GSK3B: variants seen among roughly 807,000 people sequenced by gnomAD.
GSK3B encodes glycogen synthase kinase 3 beta.
GSK3B carries 15 observed loss-of-function variants against 56.4 expected under a neutral mutation model. The observed-to-expected ratio is 0.27, with a 90% CI of 0.18 to 0.41. The LOEUF (loss-of-function observed/expected upper bound fraction) is 0.41, where lower values mean the gene tolerates loss of function less well. Among genes scored for constraint, GSK3B ranks in the 10% least tolerant of loss-of-function variants. The pLI is 1.00. For synonymous variants in GSK3B, 181 were observed against 188.9 expected, an observed-to-expected ratio of 0.96 and a Z score of 0.34; for missense variants, 300 against 513.4, an observed-to-expected ratio of 0.58 and a Z score of 4.02.
At chr3:119,886,666 T>C (rs941229977) in intron 7 of GSK3B, among the ~76,000 whole-genome samples, 4 of 152,236 alleles carry the variant, frequency 2.6e-5, no homozygotes, top group East Asian at 1.9e-4. Flanking sequence ...ATGTGGTACA[T>C]ATACACCATA....
intron 2 of GSK3B, among the ~76,000 whole-genome samples, chr3:119,975,791 T>C (rs1277449267): frequency 6.6e-6 from 1 of 152,192 alleles, no homozygotes; most frequent in Admixed American, 6.5e-5. Flanking sequence ...TAATGGTATA[T>C]TGATTGTCAC....
intron 1 of GSK3B, among the ~76,000 whole-genome samples, chr3:120,052,904 T>C (rs1318576628): frequency 1.3e-5 from 2 of 152,212 alleles, no homozygotes; most frequent in Non-Finnish European, 2.9e-5. Flanking sequence ...ACTATTATTA[T>C]CACCAACTTA....
chr3:119,869,375 C>T (rs1186184406), intron 8 of GSK3B, among the ~76,000 whole-genome samples: 1 of 152,122 alleles, frequency 6.6e-6, no homozygotes, highest in East Asian at 1.9e-4. Flanking sequence ...AAACAACTTT[C>T]AGAGTCCTCC....
intron 3 of GSK3B, among the ~76,000 whole-genome samples, chr3:119,941,518 T>G (rs1431645819): frequency 6.6e-6 from 1 of 152,194 alleles, no homozygotes; most frequent in Non-Finnish European, 1.5e-5. Flanking sequence ...GTAACTTACT[T>G]AACGGCTGTT....
chr3:119,999,186 AG>A (rs770349477), intron 2 of GSK3B, among the ~76,000 whole-genome samples: 2 of 152,224 alleles, frequency 1.3e-5, no homozygotes, highest in African/African-American at 2.4e-5. Context: ...AGAAGGAGAA[AG>A]AGGGTGTGGT....
intron 1 of GSK3B, among the ~76,000 whole-genome samples, chr3:120,005,604 G>A (rs928162997): frequency 6.6e-6 from 1 of 152,214 alleles, no homozygotes; most frequent in South Asian, 2.1e-4. Flanking sequence ...AGCCAGAAGA[G>A]AGTAGGGGGA....
In GSK3B at chr3:119,883,816, G is replaced by A. The variant is rs187312084; in HGVS notation, c.814-7308C>T. On this transcript the variant is annotated intron_variant, in intron 7 of 10. Transcript: ENST00000264235. ...GCATCAAAGAATCTGGTTATTGAAT[G>A]TGGCTGGAAGGTAAACAATTTCAGT... is the stretch of plus-strand genomic sequence containing the variant. Among the ~76,000 whole-genome samples, 15 of 152,266 alleles carry A rather than the reference G, an allele frequency of 9.9e-5. No homozygotes were observed. In the East Asian group the frequency reaches 2.3e-3, roughly 23 times the overall value.
chr3:119,844,351 G>C (rs1217029783), intron 9 of GSK3B, among the ~76,000 whole-genome samples: 1 of 123,526 alleles, frequency 8.1e-6, no homozygotes, highest in Non-Finnish European at 1.7e-5. Context: ...AGGAGACAGA[G>C]ACACAAAAAA....
intron 9 of GSK3B, among the ~76,000 whole-genome samples, chr3:119,849,308 G>C (rs1048730060): frequency 6.6e-6 from 1 of 152,164 alleles, no homozygotes; most frequent in Admixed American, 6.5e-5. Flanking sequence ...TCCTTTGTCT[G>C]ATCAACAGAA....
At chr3:119,993,146 A>T (rs1410556986) in intron 2 of GSK3B, among the ~76,000 whole-genome samples, 2 of 84,448 alleles carry the variant, frequency 2.4e-5, no homozygotes, top group South Asian at 7.1e-4. Flanking sequence ...TGTAAGGAAG[A>T]AAAAAAAAAA....
chr3:119,929,893 C>A (rs1576207635), intron 3 of GSK3B, among the ~76,000 whole-genome samples: 3 of 145,742 alleles, frequency 2.1e-5, no homozygotes, highest in Admixed American at 1.4e-4. Context: ...AAGAGCGAAA[C>A]TCTGCCTCAA....
chr3:119,927,475 T>TA (rs1324308309), intron 3 of GSK3B, among the ~76,000 whole-genome samples: 5 of 152,120 alleles, frequency 3.3e-5, no homozygotes, highest in Non-Finnish European at 7.4e-5. Flanking sequence ...ATGAGACTAA[T>TA]AGAGAATCCA....
chr3:119,967,702 T>A (rs1032198661), intron 2 of GSK3B, among the ~76,000 whole-genome samples: 1 of 152,182 alleles, frequency 6.6e-6, no homozygotes, highest in Non-Finnish European at 1.5e-5. Context: ...TGTAAAGGAC[T>A]GAAGCTGTAC....
At chr3:119,921,119 A>C (rs1353327175) in intron 4 of GSK3B, among the ~76,000 whole-genome samples, 6 of 152,266 alleles carry the variant, frequency 3.9e-5, no homozygotes, top group Non-Finnish European at 8.8e-5. Context: ...TAAGACTCAC[A>C]TAAGATACTT....
At chr3:119,863,864 A>AT (rs2056142128) in intron 8 of GSK3B, among the ~76,000 whole-genome samples, 1 of 152,218 alleles carries the variant, frequency 6.6e-6, no homozygotes, top group Middle Eastern at 3.2e-3. Flanking sequence ...CATACAAAAT[A>AT]TGACAGGCAC....
chr3:120,064,611 T>A (rs1270051729), intron 1 of GSK3B, among the ~76,000 whole-genome samples: 1 of 152,060 alleles, frequency 6.6e-6, no homozygotes, highest in Non-Finnish European at 1.5e-5. Flanking sequence ...TTCAACTCAA[T>A]CCCTACCAAA....
chr3:120,052,096 G>A (rs1316876401), intron 1 of GSK3B, among the ~76,000 whole-genome samples: 1 of 152,078 alleles, frequency 6.6e-6, no homozygotes, highest in Non-Finnish European at 1.5e-5. Context: ...GGGATCTGTG[G>A]GTGTTAGAGA....
intron 1 of GSK3B, among the ~76,000 whole-genome samples, chr3:120,021,617 G>A (rs1259543717): frequency 6.6e-6 from 1 of 151,470 alleles, no homozygotes; most frequent in African/African-American, 2.5e-5. Context: ...AACTTCAGTG[G>A]AGGAAGTCAC....
At chr3:119,906,861 G>A (rs2056687569) in intron 6 of GSK3B, among the ~76,000 whole-genome samples, 1 of 152,080 alleles carries the variant, frequency 6.6e-6, no homozygotes, top group Non-Finnish European at 1.5e-5. Flanking sequence ...GATGTGGTGA[G>A]ATGTACTATC....
Sources: allele counts gnomAD v4.1 joint callset (sites outside exome capture counted in the v4.1 genomes callset), GRCh38; gene constraint gnomAD v4.1.1; transcripts MANE v1.5; gene names NCBI Gene and HGNC (gene_info 2026-07-23, HGNC 2026-07-21).